The following KCNN2 variants were observed in gnomAD, a reference collection of about 807,000 sequenced individuals.
KCNN2 encodes the protein potassium calcium-activated channel subfamily N member 2.
A neutral mutation model predicts 55.5 loss-of-function variants in KCNN2; 24 were observed. The observed-to-expected ratio is 0.43, with a 90% CI of 0.31 to 0.61. KCNN2 has a LOEUF of 0.61. Among genes scored for constraint, KCNN2 ranks in the 20% least tolerant of loss-of-function variants. The pLI, the probability that KCNN2 is intolerant of heterozygous loss-of-function variation, is 0.08. For missense variants in KCNN2, 754 were observed against 853.6 expected (o/e 0.88, Z 1.45); for synonymous variants, 431 against 336.1 (o/e 1.28, Z -3.09).
chr5:114,301,875 C>A (rs1756169347), intron 2 of KCNN2, among the ~76,000 whole-genome samples: 1 of 152,216 alleles, frequency 6.6e-6, no homozygotes, highest in East Asian at 1.9e-4. Flanking sequence ...TGTTAAGTGA[C>A]CAGGAAATGT....
chr5:114,426,170 A>G (rs1759617598), intron 3 of KCNN2, among the ~76,000 whole-genome samples: 1 of 152,112 alleles, frequency 6.6e-6, no homozygotes, highest in South Asian at 2.1e-4. Context: ...CAAAAAAAAA[A>G]TGTGAAAAAG....
intron 2 of KCNN2, among the ~76,000 whole-genome samples, chr5:114,382,997 C>G (rs962639311): frequency 3.9e-5 from 6 of 152,142 alleles, no homozygotes; most frequent in Admixed American, 2.0e-4. Context: ...AAATTAGTAT[C>G]TTAGTTAATA....
At chr5:114,263,231 G>A (rs1580671672) in intron 2 of KCNN2, among the ~76,000 whole-genome samples, 1 of 152,146 alleles carries the variant, frequency 6.6e-6, no homozygotes, top group South Asian at 2.1e-4. Flanking sequence ...GTGTGCATGG[G>A]GTAGGGGTGC....
chr5:114,093,854 A>G (rs1422912808), intron 1 of KCNN2, among the ~76,000 whole-genome samples: 1 of 152,164 alleles, frequency 6.6e-6, no homozygotes, highest in Non-Finnish European at 1.5e-5. Flanking sequence ...ATTCAAGATG[A>G]GATTTGGGTG....
intron 1 of KCNN2, among the ~76,000 whole-genome samples, chr5:114,082,060 C>T (rs1750837357): frequency 6.6e-6 from 1 of 151,434 alleles, no homozygotes; most frequent in South Asian, 2.1e-4. Context: ...GTCCAGTAAG[C>T]ACGTGAAAAG....
intron 2 of KCNN2, among the ~76,000 whole-genome samples, chr5:114,365,667 G>C (rs527874002): frequency 6.6e-6 from 1 of 152,142 alleles, no homozygotes; most frequent in Non-Finnish European, 1.5e-5. Flanking sequence ...ACTGTGAAAC[G>C]TGAATATTTC....
At chr5:114,487,003 G>T in intron 5 of KCNN2, 47 bp from the exon 6 acceptor site, 1 of 1,607,884 alleles carries the variant, frequency 6.2e-7, no homozygotes, top group Non-Finnish European at 8.5e-7. Context: ...AGTTACAAAG[G>T]ATTCTGCTCT....
intron 2 of KCNN2, among the ~76,000 whole-genome samples, chr5:114,399,712 C>T (rs958845055): frequency 3.3e-5 from 5 of 151,982 alleles, no homozygotes; most frequent in African/African-American, 1.2e-4. Flanking sequence ...TGATAGAATT[C>T]GGCTATGAAT....
intron 2 of KCNN2, among the ~76,000 whole-genome samples, chr5:114,227,158 G>A (rs190164240): frequency 1.3e-5 from 2 of 152,154 alleles, no homozygotes; most frequent in East Asian, 1.9e-4. Context: ...CCTCTAAAAT[G>A]TACACTCTTT....
intron 1 of KCNN2, among the ~76,000 whole-genome samples, chr5:114,151,140 A>T (rs375456383): frequency 1.3e-5 from 2 of 152,016 alleles, no homozygotes; most frequent in Non-Finnish European, 2.9e-5. Context: ...TATCACTGAG[A>T]AACTTTCTAG....
At chr5:114,471,392 A>C (rs979277224) in intron 4 of KCNN2, among the ~76,000 whole-genome samples, 2 of 152,250 alleles carry the variant, frequency 1.3e-5, no homozygotes, top group Non-Finnish European at 2.9e-5. Flanking sequence ...TGTTTAAAGA[A>C]TAATTACAAA....
At chr5:114,209,696 T>G (rs1183176877) in intron 1 of KCNN2, among the ~76,000 whole-genome samples, 2 of 152,196 alleles carry the variant, frequency 1.3e-5, no homozygotes, top group Non-Finnish European at 1.5e-5. Context: ...ATAGAAACTT[T>G]ATATCCAGGA....
intron 1 of KCNN2, among the ~76,000 whole-genome samples, chr5:114,111,037 A>G (rs548090722): frequency 1.3e-5 from 2 of 152,178 alleles, no homozygotes; most frequent in Non-Finnish European, 2.9e-5. Flanking sequence ...TCCTAAGCAA[A>G]AAGACCAAAT....
intron 1 of KCNN2, among the ~76,000 whole-genome samples, chr5:114,141,989 T>C (rs1752291101): frequency 6.6e-6 from 1 of 152,208 alleles, no homozygotes; most frequent in Admixed American, 6.5e-5. Context: ...TTTGTTTTTT[T>C]CTTGTAAGTT....
intron 1 of KCNN2, among the ~76,000 whole-genome samples, chr5:114,111,354 G>A (rs1004829418): frequency 6.6e-6 from 1 of 152,052 alleles, no homozygotes; most frequent in East Asian, 1.9e-4. Flanking sequence ...AGACTTCAAT[G>A]TAATACCTAA....
chr5:114,085,177 G>A (rs993142139), intron 1 of KCNN2, among the ~76,000 whole-genome samples: 1 of 151,702 alleles, frequency 6.6e-6, no homozygotes, highest in African/African-American at 2.4e-5. Flanking sequence ...CTTCGTTTTA[G>A]CTAGTATTGT....
chr5:114,418,672 A>C (rs1304434354), intron 3 of KCNN2, among the ~76,000 whole-genome samples: 2 of 152,166 alleles, frequency 1.3e-5, no homozygotes, highest in African/African-American at 4.8e-5. Context: ...ATTTTGAGTA[A>C]CCCTAAAGCA....
rs531512622 is a variant in KCNN2 at position 114,389,345 on chromosome 5, T to C, written c.1219-15093T>C. On this transcript the variant is annotated intron_variant, in intron 2 of 7. Coordinates refer to ENST00000673685, the MANE Select transcript of KCNN2 (RefSeq NM_021614.4). ...CTGAAAAGATTTTATACCGGCTAAG[T>C]ATGTGACAAGTCGCAGTATGCTTAT... Among the ~76,000 whole-genome samples the C allele has an allele frequency of 2.0e-4, 30 of 152,264 alleles. No individual in the cohort carries two copies. In the South Asian group the frequency reaches 6.2e-3, roughly 32 times the overall value.
At chr5:114,220,153 A>C (rs1042133724) in intron 1 of KCNN2, among the ~76,000 whole-genome samples, 2 of 152,176 alleles carry the variant, frequency 1.3e-5, no homozygotes, top group African/African-American at 4.8e-5. Context: ...CTGAATGCTA[A>C]TGTTGCAAGC....
Sources: allele counts gnomAD v4.1 joint callset (sites outside exome capture counted in the v4.1 genomes callset), GRCh38; gene constraint gnomAD v4.1.1; transcripts MANE v1.5; gene names NCBI Gene and HGNC (gene_info 2026-07-23, HGNC 2026-07-21).